The following BMPER variants were observed in gnomAD, a reference collection of about 807,000 sequenced individuals.
The protein encoded by BMPER is BMP-binding endothelial regulator protein.
BMPER carries 45 observed loss-of-function variants against 87.3 expected under a neutral mutation model. The ratio of observed to expected loss-of-function variants is 0.52; its 90% CI spans 0.41 to 0.66. BMPER has a LOEUF of 0.66. BMPER is among the 30% of genes least tolerant of loss of function. BMPER has a pLI of 0.00. For missense variants in BMPER, 784 were observed against 867.5 expected (o/e 0.90, Z 1.21); for synonymous variants, 326 against 316.2 (o/e 1.03, Z -0.33).
intron 13 of BMPER, among the ~76,000 whole-genome samples, chr7:34,088,540 G>A (rs1204568463): frequency 6.6e-6 from 1 of 152,222 alleles, no homozygotes. Flanking sequence ...GACTGAGAAT[G>A]AGCCGTGGGG....
intron 14 of BMPER, among the ~76,000 whole-genome samples, chr7:34,145,110 A>G (rs913044882): frequency 4.6e-5 from 7 of 152,190 alleles, no homozygotes; most frequent in East Asian, 1.9e-4. Context: ...TCTTTCTTCA[A>G]TTGGCCTTGT....
chr7:34,124,706 A>G (rs1277118932), intron 13 of BMPER, among the ~76,000 whole-genome samples: 1 of 152,168 alleles, frequency 6.6e-6, no homozygotes, highest in African/African-American at 2.4e-5. Flanking sequence ...ATGTTAGTTA[A>G]TAGTGGTAAT....
intron 11 of BMPER, among the ~76,000 whole-genome samples, chr7:34,067,616 T>C (rs981264083): frequency 6.6e-6 from 1 of 151,948 alleles, no homozygotes; most frequent in Non-Finnish European, 1.5e-5. Context: ...GAATTTGTGG[T>C]GTTGACTTTA....
chr7:33,947,505 C>T (rs1346441529), intron 3 of BMPER, among the ~76,000 whole-genome samples: 1 of 152,068 alleles, frequency 6.6e-6, no homozygotes, highest in African/African-American at 2.4e-5. Flanking sequence ...GTTATGATCC[C>T]ATGGGTTGCA....
chr7:33,935,145 G>A (rs1585652230), intron 2 of BMPER, among the ~76,000 whole-genome samples: 1 of 152,036 alleles, frequency 6.6e-6, no homozygotes, highest in Non-Finnish European at 1.5e-5. Context: ...TAAATCTAAG[G>A]GCTGTGCCTT....
intron 14 of BMPER, among the ~76,000 whole-genome samples, chr7:34,150,146 G>C (rs1363151957): frequency 6.6e-6 from 1 of 152,138 alleles, no homozygotes; most frequent in Admixed American, 6.5e-5. Context: ...TCTGGGATGG[G>C]GAAGTGCTTC....
chr7:33,954,878 C>T (rs1403289318), intron 3 of BMPER, among the ~76,000 whole-genome samples: 3 of 152,074 alleles, frequency 2.0e-5, no homozygotes, highest in African/African-American at 7.2e-5. Context: ...AGTTCCTGCC[C>T]ATAGGTTAAG....
chr7:34,074,923 G>A (rs1325926574), intron 11 of BMPER, among the ~76,000 whole-genome samples: 1 of 152,188 alleles, frequency 6.6e-6, no homozygotes, highest in Non-Finnish European at 1.5e-5. Flanking sequence ...AAACATGAAT[G>A]ATGCTTTTTC....
chr7:34,114,439 A>G (rs2127987243), intron 13 of BMPER, among the ~76,000 whole-genome samples: 1 of 152,384 alleles, frequency 6.6e-6, no homozygotes, highest in East Asian at 1.9e-4. Flanking sequence ...GACCATTAAT[A>G]AAACCCAATT....
chr7:33,910,024 T>G (rs758259298), intron 2 of BMPER, among the ~76,000 whole-genome samples: 7 of 152,172 alleles, frequency 4.6e-5, no homozygotes, highest in Non-Finnish European at 1.0e-4. Context: ...ACTGGTTTGT[T>G]AGCTGGTGAT....
intron 6 of BMPER, among the ~76,000 whole-genome samples, chr7:34,005,465 A>C (rs1237998980): frequency 2.6e-5 from 4 of 151,552 alleles, no homozygotes; most frequent in Admixed American, 2.0e-4. Flanking sequence ...TTTTATTTTT[A>C]GAGATGATGT....
At chr7:34,137,641 A>G (rs1201781122) in intron 13 of BMPER, among the ~76,000 whole-genome samples, 1 of 152,190 alleles carries the variant, frequency 6.6e-6, no homozygotes, top group Non-Finnish European at 1.5e-5. Flanking sequence ...CTTGGCAAGC[A>G]CCACTGAGGA....
rs56214614 is a variant in BMPER, at chr7:34,039,603, TACACACACAC to T, written c.577-6672_577-6663del. On this transcript the variant is annotated intron_variant, in intron 6 of 14. Coordinates refer to ENST00000649409, the MANE Select transcript of BMPER (RefSeq NM_001365308.1). ...TAATCTAGTGGGTAAGACACACAAA[TACACACACAC>T]ACACACACACACACACACACACACA... Among the ~76,000 whole-genome samples the T allele has an allele frequency of 4.1e-4, 59 of 142,686 alleles. 2 individuals are homozygous for T. Among genetic ancestry groups the T allele is most frequent in the East Asian group, 2.6e-3 (12 of 4,684 alleles). 93.6% of individuals were successfully genotyped at this position (142,686 alleles called of 152,430 possible).
At chr7:33,974,437 G>A (rs999361718) in intron 5 of BMPER, among the ~76,000 whole-genome samples, 1 of 152,196 alleles carries the variant, frequency 6.6e-6, no homozygotes, top group South Asian at 2.1e-4. Context: ...CCCCAAGCAC[G>A]GCTCTCTATG....
At chr7:33,968,354 C>T (rs569540067) in intron 4 of BMPER, among the ~76,000 whole-genome samples, 1 of 152,270 alleles carries the variant, frequency 6.6e-6, no homozygotes, top group East Asian at 1.9e-4. Context: ...GACTTGCTTC[C>T]TTCTTTAGGT....
intron 13 of BMPER, among the ~76,000 whole-genome samples, chr7:34,097,416 G>C (rs567819209): frequency 6.6e-6 from 1 of 152,214 alleles, no homozygotes; most frequent in Admixed American, 6.5e-5. Flanking sequence ...GGGGCACGCT[G>C]CAGTGTTTTC....
chr7:33,970,286 G>A, intron 4 of BMPER, 43 bp from the exon 5 acceptor site: 1 of 1,586,396 alleles, frequency 6.3e-7, no homozygotes, highest in Non-Finnish European at 8.7e-7. Flanking sequence ...GTAACTCCGT[G>A]GGAATTCTGG....
At chr7:33,913,430 TGTACGGGATATACAGAGTGTGAAGAG>T (rs139226072) in intron 2 of BMPER, among the ~76,000 whole-genome samples, 12,883 of 152,206 alleles carry the variant, frequency 0.085, 873 homozygotes, top group Admixed American at 0.17. Flanking sequence ...TAGGAGCTTT[TGTACGGGATATACAGAGTGTGAAGAG>T]GCTGAAGTTT....
At position 33,985,597 on chromosome 7, in the gene BMPER, A is replaced by G. The variant is rs79523439; in HGVS notation, c.576+10813A>G. On this transcript the variant is annotated intron_variant, in intron 6 of 14. Coordinates refer to ENST00000649409, the MANE Select transcript of BMPER (RefSeq NM_001365308.1). ...ACTTCAAATCAATGTCTTAATTCCC[A>G]CTCCAATAATCAGTATATAGGTGTA... Among the ~76,000 whole-genome samples, 1,421 of 152,082 alleles carry G rather than the reference A, an allele frequency of 9.3e-3. 18 individuals carry two copies. The highest frequency in any genetic ancestry group is 0.029 in the East Asian group (150 of 5,178).
Sources: allele counts gnomAD v4.1 joint callset (sites outside exome capture counted in the v4.1 genomes callset), GRCh38; gene constraint gnomAD v4.1.1; transcripts MANE v1.5; gene names NCBI Gene and HGNC (gene_info 2026-07-23, HGNC 2026-07-21).